CERKL: variants seen among roughly 807,000 people sequenced by gnomAD.
CERKL encodes ceramide kinase-like protein.
Under a neutral mutation model 63.4 loss-of-function variants are expected in CERKL, and 61 were observed. The ratio of observed to expected loss-of-function variants is 0.96; its 90% CI spans 0.78 to 1.19. The LOEUF is 1.19. Among genes scored for constraint, CERKL ranks in the 50% most tolerant of loss-of-function variants. The probability of loss-of-function intolerance (pLI) is 0.00; values close to 1 mark genes in which losing one functional copy is unlikely to be tolerated. For missense variants in CERKL, 675 were observed against 655.5 expected, an observed-to-expected ratio of 1.03 and a Z score of -0.33; for synonymous variants, 250 against 230.5, an observed-to-expected ratio of 1.08 and a Z score of -0.77.
At chr2:181,621,537 G>C (rs1686448323) in intron 1 of CERKL, among the ~76,000 whole-genome samples, 1 of 152,164 alleles carries the variant, frequency 6.6e-6, no homozygotes, top group East Asian at 1.9e-4. Context: ...AGTCTACATA[G>C]ATGGTAATTA....
At chr2:181,548,112 T>C (rs1687815639) in intron 8 of CERKL, 1 of 582,516 alleles carries the variant, frequency 1.7e-6, no homozygotes, top group African/African-American at 1.9e-5. Flanking sequence ...TAATATGGCT[T>C]TAATATTTGT....
chr2:181,541,305 G>A (rs1430657591), intron 11 of CERKL, among the ~76,000 whole-genome samples: 1 of 152,160 alleles, frequency 6.6e-6, no homozygotes, highest in East Asian at 1.9e-4. Flanking sequence ...AGAAGACTCA[G>A]GACAAACCAA....
At chr2:181,581,533 C>A (rs1684512794) in intron 2 of CERKL, among the ~76,000 whole-genome samples, 1 of 152,150 alleles carries the variant, frequency 6.6e-6, no homozygotes, top group Non-Finnish European at 1.5e-5. Flanking sequence ...GAATGAGTCT[C>A]CTGATCAAAA....
At chr2:181,648,855 G>C (rs1336726055) in intron 1 of CERKL, among the ~76,000 whole-genome samples, 2 of 152,154 alleles carry the variant, frequency 1.3e-5, no homozygotes, top group Non-Finnish European at 1.5e-5. Context: ...GCTTAAAATA[G>C]TTTATTATAA....
intron 1 of CERKL, among the ~76,000 whole-genome samples, chr2:181,606,861 G>A (rs950447010): frequency 5.3e-5 from 8 of 152,136 alleles, no homozygotes; most frequent in Non-Finnish European, 1.0e-4. Context: ...TGCTCTGTGT[G>A]TCTTTATAAA....
At chr2:181,571,501 T>C (rs767296846) in intron 3 of CERKL, among the ~76,000 whole-genome samples, 37 of 152,050 alleles carry the variant, frequency 2.4e-4, no homozygotes, top group Admixed American at 1.1e-3. Flanking sequence ...TCCAATCTCT[T>C]TTTCTCTCTT....
At chr2:181,637,209 C>A (rs997863729) in intron 1 of CERKL, among the ~76,000 whole-genome samples, 4 of 151,996 alleles carry the variant, frequency 2.6e-5, no homozygotes, top group African/African-American at 9.7e-5. Flanking sequence ...AATTGCACAA[C>A]CCTTTTGAAA....
intron 2 of CERKL, among the ~76,000 whole-genome samples, chr2:181,597,963 A>C (rs1250198471): frequency 6.6e-6 from 1 of 152,190 alleles, no homozygotes; most frequent in Non-Finnish European, 1.5e-5. Context: ...GCACAGTGCC[A>C]ATCGCTAAAG....
chr2:181,555,692 A>C lies in CERKL; in HGVS notation c.820+2874T>G, dbSNP rs2062033700. On this transcript the variant is annotated intron_variant, in intron 5 of 12. Coordinates refer to ENST00000410087, the MANE Select transcript of CERKL (RefSeq NM_201548.5). The stretch of plus-strand genomic sequence containing the variant: ...AAAATATTTTGCTTTTTTAGTGATA[A>C]TGTGTGACTTTTTAAAAGTTGATTC... Among the ~76,000 whole-genome samples the C allele has an allele frequency of 2.0e-5, 3 of 151,858 alleles. No individual in the cohort carries two copies. The South Asian group carries it at 6.2e-4, about 31-fold the overall frequency.
Position 181,547,915 on chromosome 2 carries a change from A to ACACACACAC in CERKL, c.1134-69_1134-68insGTGTGTGTG, listed in dbSNP as rs58144427. The stretch of plus-strand genomic sequence containing the variant: ...CGCGCACAGACACACAGACACACAC[A>ACACACACAC]AATCTATTAAATATGAGAAAATTAG... On this transcript the variant is annotated intron_variant, in intron 8 of 12. Coordinates refer to ENST00000410087, the MANE Select transcript of CERKL (RefSeq NM_201548.5). 97 of 1,422,382 alleles carry ACACACACAC rather than the reference A, an allele frequency of 6.8e-5. 1 individual carries two copies. The highest frequency in any genetic ancestry group is 8.2e-5 in the Non-Finnish European group (83 of 1,010,634). The allele number at this position is 1,422,382 out of a possible 1,614,324, so 88.1% of individuals were successfully genotyped here.
chr2:181,650,557 G>A (rs546365297), intron 1 of CERKL, among the ~76,000 whole-genome samples: 28 of 152,194 alleles, frequency 1.8e-4, no homozygotes, highest in African/African-American at 5.8e-4. Flanking sequence ...TCGGGAGTTC[G>A]AGACCAGCCT....
chr2:181,569,859 C>A (rs1019382496), intron 3 of CERKL, among the ~76,000 whole-genome samples: 1 of 152,086 alleles, frequency 6.6e-6, no homozygotes, highest in African/African-American at 2.4e-5. Flanking sequence ...AACTCTAGTA[C>A]ATAAAAATTA....
At chr2:181,577,772 T>C (rs954304887) in intron 2 of CERKL, among the ~76,000 whole-genome samples, 10 of 152,034 alleles carry the variant, frequency 6.6e-5, no homozygotes, top group Non-Finnish European at 1.0e-4. Context: ...GCAGCAGTTA[T>C]GGTTGGCGAG....
At chr2:181,630,254 C>T (rs1308834024) in intron 1 of CERKL, among the ~76,000 whole-genome samples, 2 of 152,052 alleles carry the variant, frequency 1.3e-5, no homozygotes, top group Admixed American at 6.6e-5. Context: ...CCATGTTTCC[C>T]AGGCTGATCT....
chr2:181,639,132 A>T (rs542713883), intron 1 of CERKL, among the ~76,000 whole-genome samples: 1 of 152,228 alleles, frequency 6.6e-6, no homozygotes, highest in African/African-American at 2.4e-5. Flanking sequence ...ATGTAAAACT[A>T]TAAAGATTAT....
At chr2:181,647,731 G>A (rs1459814674) in intron 1 of CERKL, among the ~76,000 whole-genome samples, 1 of 151,960 alleles carries the variant, frequency 6.6e-6, no homozygotes, top group Non-Finnish European at 1.5e-5. Flanking sequence ...ACTGCCAAAG[G>A]AACACAGTGA....
At chr2:181,605,498 G>C (rs187798697) in intron 1 of CERKL, among the ~76,000 whole-genome samples, 1 of 152,282 alleles carries the variant, frequency 6.6e-6, no homozygotes, top group African/African-American at 2.4e-5. Context: ...ATGACATTAT[G>C]GTAAGTATTT....
chr2:181,549,701 G>T lies in CERKL; in HGVS notation c.828C>A (p.Thr276=). 1 of 1,610,394 alleles carries T rather than the reference G, an allele frequency of 6.2e-7. No homozygotes were observed. The highest frequency in any genetic ancestry group is 1.1e-5 in the South Asian group (1 of 91,004). The change falls in exon 6 of 13, where the codon ACC becomes ACA. Residue 276 remains threonine (T), a synonymous_variant. Transcript: ENST00000410087. The stretch of plus-strand genomic sequence containing the variant: ...CATGAAGAGAATGTGCCAATACATT[G>T]GTAGATCCTGCCAAAGCAATTTTAA... ...LPLGLIPAGS[T]NVLAHSLHGV...
At chr2:181,602,064 CATT>C (rs552591875) in intron 2 of CERKL, among the ~76,000 whole-genome samples, 222 of 152,278 alleles carry the variant, frequency 1.5e-3, no homozygotes, top group Non-Finnish European at 2.9e-3. Flanking sequence ...AATATTTGGA[CATT>C]GTTTTTTGTT....
Sources: allele counts gnomAD v4.1 joint callset (sites outside exome capture counted in the v4.1 genomes callset), GRCh38; gene constraint gnomAD v4.1.1; transcripts MANE v1.5; gene names NCBI Gene and HGNC (gene_info 2026-07-23, HGNC 2026-07-21).